Variants in PCCA observed in about 807,000 individuals in gnomAD.
PCCA encodes propionyl-CoA carboxylase alpha chain, mitochondrial.
Under a neutral mutation model 101.3 loss-of-function variants are expected in PCCA, and 74 were observed. That is an observed-to-expected ratio of 0.73 (90% CI 0.61 to 0.89). The LOEUF is 0.89. Ranked by LOEUF, PCCA falls within the 40% of genes least tolerant of loss-of-function variation. The pLI is 0.00. For missense variants in PCCA, 891 were observed against 907.0 expected (o/e 0.98, Z 0.23); for synonymous variants, 294 against 313.6 (o/e 0.94, Z 0.66).
intron 16 of PCCA, among the ~76,000 whole-genome samples, chr13:100,318,750 G>A (rs1401651294): frequency 6.6e-6 from 1 of 152,076 alleles, no homozygotes; most frequent in Non-Finnish European, 1.5e-5. Context: ...ATTTGGGTTG[G>A]TTCCAAGTCT....
chr13:100,278,806 T>C (rs974241555), intron 12 of PCCA, among the ~76,000 whole-genome samples: 1 of 152,196 alleles, frequency 6.6e-6, no homozygotes, highest in Non-Finnish European at 1.5e-5. Flanking sequence ...CGAATAATTC[T>C]ATGCAGTTGG....
chr13:100,141,359 A>T (rs74524616), intron 4 of PCCA, among the ~76,000 whole-genome samples: 1 of 152,132 alleles, frequency 6.6e-6, no homozygotes, highest in Non-Finnish European at 1.5e-5. Flanking sequence ...TCAATAGCCA[A>T]TTCTCTGTGA....
At chr13:100,163,125 T>C (rs1472215713) in intron 6 of PCCA, among the ~76,000 whole-genome samples, 1 of 152,184 alleles carries the variant, frequency 6.6e-6, no homozygotes, top group East Asian at 1.9e-4. Context: ...TTTAAGGATG[T>C]AGATAGGTCA....
At chr13:100,362,834 C>G (rs1391421812) in intron 18 of PCCA, among the ~76,000 whole-genome samples, 5 of 152,300 alleles carry the variant, frequency 3.3e-5, no homozygotes, top group Middle Eastern at 3.4e-3. Flanking sequence ...CACACAGTCT[C>G]ATGTATTTGA....
intron 15 of PCCA, among the ~76,000 whole-genome samples, chr13:100,309,271 C>T (rs898811916): frequency 2.0e-5 from 3 of 152,162 alleles, no homozygotes; most frequent in African/African-American, 7.2e-5. Flanking sequence ...GTGACACACG[C>T]CTGAAATCCC....
At chr13:100,490,536 C>T (rs1596150046) in intron 21 of PCCA, 1 of 152,344 alleles carries the variant, frequency 6.6e-6, no homozygotes, top group East Asian at 1.9e-4. Flanking sequence ...ATGAGCAAGG[C>T]ACTTTTCTAA....
chr13:100,331,973 T>C (rs2069674540), intron 17 of PCCA, among the ~76,000 whole-genome samples: 1 of 140,184 alleles, frequency 7.1e-6, no homozygotes, highest in Non-Finnish European at 1.5e-5. Flanking sequence ...AGAGTTTTGC[T>C]CTTTTGCCCA....
chr13:100,381,459 C>A (rs964081933), intron 19 of PCCA, among the ~76,000 whole-genome samples: 1 of 150,984 alleles, frequency 6.6e-6, no homozygotes. Context: ...TTGGTGGGAA[C>A]GTAAAAGGGT....
At chr13:100,125,914 G>C (rs2049909472) in intron 4 of PCCA, among the ~76,000 whole-genome samples, 1 of 152,194 alleles carries the variant, frequency 6.6e-6, no homozygotes, top group African/African-American at 2.4e-5. Context: ...GCAGGAGGCT[G>C]AAGAGAATTA....
intron 4 of PCCA, among the ~76,000 whole-genome samples, chr13:100,121,183 T>C (rs1172045772): frequency 7.3e-6 from 1 of 137,416 alleles, no homozygotes; most frequent in Non-Finnish European, 1.5e-5. Context: ...TTTTTAAAGA[T>C]GGAGTTTCTG....
Position 100,527,733 on chromosome 13 carries a change from CAGCT to C in PCCA, c.2100_2103del (p.Ala701GlyfsTer6). On this transcript the variant is annotated frameshift_variant, in exon 23 of 24. Transcript: ENST00000376285. LOFTEE classifies it high-confidence loss of function. ...GCCATGAAAATGCAGAATAGTATGA[CAGCT>C]GGGAAAACTGGCACGGTGAGTCCCT... is the stretch of plus-strand genomic sequence containing the variant. 1 of 1,613,504 alleles carries C rather than the reference CAGCT, an allele frequency of 6.2e-7. No homozygotes were observed. Among genetic ancestry groups the C allele is most frequent in the Non-Finnish European group, 8.5e-7 (1 of 1,179,516 alleles).
intron 20 of PCCA, among the ~76,000 whole-genome samples, chr13:100,446,266 AT>A (rs1335226682): frequency 2.0e-5 from 3 of 151,934 alleles, no homozygotes; most frequent in Non-Finnish European, 4.4e-5. Context: ...CTGACCTCAA[AT>A]GATCCACCCA....
intron 6 of PCCA, among the ~76,000 whole-genome samples, chr13:100,187,678 G>GA (rs1450915275): frequency 6.6e-6 from 1 of 151,872 alleles, no homozygotes; most frequent in Non-Finnish European, 1.5e-5. Context: ...TTTTATTGTT[G>GA]AAAAAAACTT....
At chr13:100,127,635 G>A (rs914375626) in intron 4 of PCCA, among the ~76,000 whole-genome samples, 18 of 152,270 alleles carry the variant, frequency 1.2e-4, no homozygotes, top group East Asian at 1.9e-4. Flanking sequence ...GCTCACGCCC[G>A]TAATCCCAGC....
At chr13:100,523,870 G>A (rs1286322604) in intron 22 of PCCA, among the ~76,000 whole-genome samples, 1 of 152,230 alleles carries the variant, frequency 6.6e-6, no homozygotes. Context: ...GTCTTTATCA[G>A]ATGATTCACA....
chr13:100,176,471 C>T (rs1158628724), intron 6 of PCCA, among the ~76,000 whole-genome samples: 3 of 152,036 alleles, frequency 2.0e-5, no homozygotes, highest in African/African-American at 4.8e-5. Context: ...CAAGAAGGTA[C>T]GTTTTGATAT....
intron 2 of PCCA, among the ~76,000 whole-genome samples, chr13:100,109,853 C>T (rs962732865): frequency 2.0e-5 from 3 of 152,072 alleles, no homozygotes; most frequent in Non-Finnish European, 2.9e-5. Flanking sequence ...TGCTCTAGGC[C>T]GGGTGTGGTG....
At chr13:100,270,527 T>C (rs1244470050) in intron 11 of PCCA, among the ~76,000 whole-genome samples, 1 of 152,234 alleles carries the variant, frequency 6.6e-6, no homozygotes, top group Non-Finnish European at 1.5e-5. Flanking sequence ...TGTTTGTTTT[T>C]TCTCTTTGTC....
At chr13:100,448,422 A>T (rs902141672) in intron 20 of PCCA, among the ~76,000 whole-genome samples, 1 of 151,798 alleles carries the variant, frequency 6.6e-6, no homozygotes, top group Non-Finnish European at 1.5e-5. Context: ...TGAATTCCTC[A>T]CCTCGTGATC....
Sources: allele counts gnomAD v4.1 joint callset (sites outside exome capture counted in the v4.1 genomes callset), GRCh38; gene constraint gnomAD v4.1.1; transcripts MANE v1.5; gene names NCBI Gene and HGNC (gene_info 2026-07-23, HGNC 2026-07-21).